The following CA10 variants were observed in gnomAD, a reference collection of about 807,000 sequenced individuals.
CA10 encodes the protein carbonic anhydrase-related protein 10.
In CA10, 14 loss-of-function variants were observed where a neutral mutation model predicts 44.2. That is an observed-to-expected ratio of 0.32 (90% CI 0.21 to 0.50). CA10 has a LOEUF of 0.50. Among genes scored for constraint, CA10 ranks in the 20% least tolerant of loss-of-function variants. The pLI is 0.99. For missense variants in CA10, 350 were observed against 409.7 expected (o/e 0.85, Z 1.26); for synonymous variants, 159 against 141.6 (o/e 1.12, Z -0.87).
intron 3 of CA10, among the ~76,000 whole-genome samples, chr17:51,788,267 CTT>C (rs1394659986): frequency 6.6e-6 from 1 of 152,076 alleles, no homozygotes; most frequent in Non-Finnish European, 1.5e-5. Context: ...TGAAATTCCT[CTT>C]GTTGTTGATT....
At chr17:51,863,406 G>A (rs1207114866) in intron 3 of CA10, among the ~76,000 whole-genome samples, 1 of 152,170 alleles carries the variant, frequency 6.6e-6, no homozygotes, top group Non-Finnish European at 1.5e-5. Flanking sequence ...CACGGACCTT[G>A]CTCTTTCATG....
intron 3 of CA10, among the ~76,000 whole-genome samples, chr17:51,905,802 T>A (rs1981525074): frequency 6.6e-6 from 1 of 152,100 alleles, no homozygotes; most frequent in Admixed American, 6.6e-5. Flanking sequence ...GCCTTCCCCA[T>A]CACCCAAATT....
chr17:51,939,393 C>T (rs534308234), intron 2 of CA10, among the ~76,000 whole-genome samples: 2 of 152,060 alleles, frequency 1.3e-5, no homozygotes, highest in Admixed American at 6.6e-5. Flanking sequence ...CTTTTTCATA[C>T]TGGTGCTTTC....
intron 1 of CA10, among the ~76,000 whole-genome samples, chr17:52,109,090 T>G (rs986507765): frequency 6.6e-6 from 1 of 152,108 alleles, no homozygotes; most frequent in Non-Finnish European, 1.5e-5. Flanking sequence ...TCTCCCCAAA[T>G]TAATCTGTAA....
intron 3 of CA10, among the ~76,000 whole-genome samples, chr17:51,846,919 C>T (rs1174497402): frequency 2.6e-5 from 4 of 152,062 alleles, no homozygotes; most frequent in African/African-American, 7.2e-5. Context: ...GTGAACAAGT[C>T]TAAATAAATG....
chr17:52,147,793 C>G (rs771549418), intron 1 of CA10, among the ~76,000 whole-genome samples: 3 of 152,194 alleles, frequency 2.0e-5, no homozygotes, highest in Non-Finnish European at 4.4e-5. Flanking sequence ...AAACTTGATA[C>G]TCACCGATGT....
intron 1 of CA10, among the ~76,000 whole-genome samples, chr17:52,095,329 T>C (rs544655185): frequency 4.6e-5 from 7 of 152,188 alleles, no homozygotes; most frequent in African/African-American, 1.4e-4. Flanking sequence ...AGGGTGTTGG[T>C]AATTGACTGG....
chr17:51,786,675 AAT>A (rs1486004987), intron 3 of CA10, among the ~76,000 whole-genome samples: 1 of 152,164 alleles, frequency 6.6e-6, no homozygotes, highest in Non-Finnish European at 1.5e-5. Flanking sequence ...GAATTCCAGT[AAT>A]ATGTTGAGTA....
intron 3 of CA10, among the ~76,000 whole-genome samples, chr17:51,800,014 A>G (rs1278623905): frequency 1.3e-5 from 2 of 152,244 alleles, no homozygotes; most frequent in Admixed American, 1.3e-4. Flanking sequence ...ACTCCTAGGT[A>G]TATGCCCAAG....
chr17:52,097,379 C>G (rs1988429678), intron 1 of CA10, among the ~76,000 whole-genome samples: 1 of 152,064 alleles, frequency 6.6e-6, no homozygotes, highest in South Asian at 2.1e-4. Context: ...TATAAACAGT[C>G]TTGTTTATAT....
intron 1 of CA10, among the ~76,000 whole-genome samples, chr17:52,112,823 T>C (rs151065419): frequency 5.3e-5 from 8 of 152,336 alleles, no homozygotes; most frequent in South Asian, 2.1e-4. Context: ...CCAGAGGCCC[T>C]TCTGCCCTTT....
intron 2 of CA10, among the ~76,000 whole-genome samples, chr17:51,982,172 T>A (rs550039624): frequency 6.6e-6 from 1 of 152,142 alleles, no homozygotes; most frequent in South Asian, 2.1e-4. Flanking sequence ...GGAGAAATTA[T>A]GCATAAATAA....
At chr17:51,643,306 C>T (rs138516650) in intron 6 of CA10, among the ~76,000 whole-genome samples, 120 of 152,150 alleles carry the variant, frequency 7.9e-4, no homozygotes, top group African/African-American at 2.8e-3. Context: ...GGGATATTAG[C>T]CTTATTCCAA....
intron 2 of CA10, among the ~76,000 whole-genome samples, chr17:52,016,848 G>T (rs1169695783): frequency 6.6e-6 from 1 of 152,154 alleles, no homozygotes; most frequent in Non-Finnish European, 1.5e-5. Flanking sequence ...AGTAGGTGGA[G>T]GTTGCAGTGA....
chr17:52,045,104 G>A (rs988149520), intron 2 of CA10, among the ~76,000 whole-genome samples: 1 of 151,648 alleles, frequency 6.6e-6, no homozygotes, highest in Non-Finnish European at 1.5e-5. Context: ...AGATACAAAG[G>A]TAAGAATGCT....
chr17:51,954,006 A>G (rs1448682933), intron 2 of CA10, among the ~76,000 whole-genome samples: 3 of 152,168 alleles, frequency 2.0e-5, no homozygotes, highest in Admixed American at 6.5e-5. Context: ...CTTCCACCAT[A>G]AAGTATTTTC....
At chr17:51,651,850 A>G (rs889257896) in intron 5 of CA10, among the ~76,000 whole-genome samples, 1 of 152,190 alleles carries the variant, frequency 6.6e-6, no homozygotes, top group Admixed American at 6.5e-5. Context: ...TGGGAAAGTC[A>G]TAGGGGGAAG....
intron 1 of CA10, among the ~76,000 whole-genome samples, chr17:52,101,256 T>G (rs1309390948): frequency 6.6e-6 from 1 of 152,196 alleles, no homozygotes; most frequent in Non-Finnish European, 1.5e-5. Context: ...CTGCAACACA[T>G]ACATCCTTTT....
intron 3 of CA10, among the ~76,000 whole-genome samples, chr17:51,913,605 G>A (rs1432396865): frequency 1.3e-5 from 2 of 152,006 alleles, no homozygotes; most frequent in Non-Finnish European, 2.9e-5. Context: ...GATGGGAGTA[G>A]CTGTGTCATG....
Sources: gnomAD v4.1 joint callset for allele counts (sites outside exome capture counted in the v4.1 genomes callset) on GRCh38, gnomAD v4.1.1 for gene constraint, MANE v1.5 for transcripts, NCBI Gene and HGNC (gene_info 2026-07-23, HGNC 2026-07-21) for gene names.